Variants in GRK4 observed in about 807,000 individuals in gnomAD.
GRK4 encodes the protein G protein-coupled receptor kinase 4, also known as G protein-coupled receptor kinase 2-like.
In GRK4, 73 loss-of-function variants were observed where a neutral mutation model predicts 77.9. The observed-to-expected ratio is 0.94, with a 90% CI of 0.78 to 1.14. The LOEUF (loss-of-function observed/expected upper bound fraction) is 1.14, where lower values mean the gene tolerates loss of function less well. GRK4 is among the 50% of genes most tolerant of loss of function. The pLI, the probability that GRK4 is intolerant of heterozygous loss-of-function variation, is 0.00. For synonymous variants in GRK4, 257 were observed against 254.4 expected (o/e 1.01, Z -0.10); for missense variants, 729 against 700.2 (o/e 1.04, Z -0.46).
At chr4:3,030,467 T>A (rs1374049540) in intron 12 of GRK4, among the ~76,000 whole-genome samples, 1 of 152,124 alleles carries the variant, frequency 6.6e-6, no homozygotes, top group Non-Finnish European at 1.5e-5. Flanking sequence ...ATTGAGCATC[T>A]TGTATGTTCC....
intron 2 of GRK4, among the ~76,000 whole-genome samples, chr4:2,986,354 C>CTTTTTTTTTTTT (rs36001597): frequency 6.8e-5 from 5 of 73,282 alleles, no homozygotes; most frequent in African/African-American, 2.8e-4. Context: ...AAGGTGTTAT[C>CTTTTTTTTTTTT]TTTTTTTTTT....
chr4:2,977,817 A>T (rs1373599172), intron 1 of GRK4, among the ~76,000 whole-genome samples: 4 of 152,160 alleles, frequency 2.6e-5, no homozygotes, highest in African/African-American at 9.7e-5. Context: ...TGTTGTCCAG[A>T]TCACAGTCAG....
At chr4:3,013,876 A>G (rs1254670163) in intron 8 of GRK4, 48 bp downstream of exon 8, 6 of 1,535,986 alleles carry the variant, frequency 3.9e-6, no homozygotes, top group Non-Finnish European at 5.3e-6. Context: ...GATTCATAGC[A>G]CTTTTGTCAG....
At position 2,963,907 on chromosome 4, in the gene GRK4, G is replaced by C; in HGVS notation, c.-164G>C. ...CGGAGGCGGCGGCGGCGGCGCCCTT[G>C]GTGGCAGTGGTGGCGGCGGAGCAGC... On this transcript the variant is annotated 5_prime_UTR_variant, in exon 1 of 16. Coordinates refer to ENST00000398052, the MANE Select transcript of GRK4 (RefSeq NM_182982.3). 1 of 692,832 alleles carries C rather than the reference G, an allele frequency of 1.4e-6. No homozygotes were observed. The highest frequency in any genetic ancestry group is 2.5e-6 in the Non-Finnish European group (1 of 397,316). 42.9% of individuals were successfully genotyped at this position (692,832 alleles called of 1,614,324 possible).
intron 2 of GRK4, chr4:2,987,097 G>A (rs748929811): frequency 3.9e-6 from 2 of 516,306 alleles, no homozygotes; most frequent in East Asian, 5.5e-5. Context: ...CACACCCATT[G>A]ATAGCCACTC....
intron 9 of GRK4, among the ~76,000 whole-genome samples, chr4:3,020,190 A>G (rs1443987002): frequency 6.6e-6 from 1 of 152,072 alleles, no homozygotes; most frequent in African/African-American, 2.4e-5. Context: ...TTTTTACTAG[A>G]GATGGGGGTC....
intron 4 of GRK4, among the ~76,000 whole-genome samples, chr4:2,999,586 G>T (rs1034308454): frequency 6.6e-6 from 1 of 152,168 alleles, no homozygotes; most frequent in Non-Finnish European, 1.5e-5. Context: ...CACATGCAGA[G>T]AATCACACGG....
chr4:3,023,345 G>C, intron 10 of GRK4, among the ~76,000 whole-genome samples: 1 of 152,220 alleles, frequency 6.6e-6, no homozygotes. Context: ...GCAGTGCTGG[G>C]AGAGAGCTTC....
Position 3,004,295 on chromosome 4 carries a change from A to T in GRK4, c.404A>T (p.Glu135Val). Residue 135 changes from glutamate to valine, a missense_variant, in exon 5 of 16, where the codon GAG becomes GTG. By Grantham distance (121) the Glu-to-Val change is moderately radical. Transcript: ENST00000398052. ...ACAGAATGTAGATTGGGACTGAAGGAGGAGAACCCTTCCAAAAAAGCCTTT... is the reference window on the plus strand; with the variant it reads ...ACAGAATGTAGATTGGGACTGAAGGTGGAGAACCCTTCCAAAAAAGCCTTT... ...VVTECRLGLK[E>V]ENPSKKAFEE... 1 of 1,613,670 alleles carries T rather than the reference A, an allele frequency of 6.2e-7. No individual in the cohort carries two copies. The highest frequency in any genetic ancestry group is 8.5e-7 in the Non-Finnish European group (1 of 1,179,570).
At chr4:3,018,770 C>T (rs1028619349) in intron 8 of GRK4, among the ~76,000 whole-genome samples, 1 of 151,790 alleles carries the variant, frequency 6.6e-6, no homozygotes, top group Admixed American at 6.6e-5. Flanking sequence ...CCCAGCTACT[C>T]GGGAGGCTGA....
Position 3,035,371 on chromosome 4 carries a change from T to G in GRK4, c.1270-15T>G. On this transcript the variant is annotated splice_polypyrimidine_tract_variant and intron_variant, in intron 12 of 15. Coordinates refer to ENST00000398052, the MANE Select transcript of GRK4 (RefSeq NM_182982.3). ...ATCCAGAGGCTCAAGTGGGTTGCAT[T>G]TCTGCCTCTTGCAGTTACTCACCAA... 6.2e-7 allele frequency: 1 copy of G among 1,613,748 alleles called. No individual in the cohort carries two copies. The highest frequency in any genetic ancestry group is 8.5e-7 in the Non-Finnish European group (1 of 1,179,870).
chr4:3,030,964 G>C (rs1024468304), intron 12 of GRK4, among the ~76,000 whole-genome samples: 1 of 152,194 alleles, frequency 6.6e-6, no homozygotes, highest in Non-Finnish European at 1.5e-5. Flanking sequence ...CAGCGATTCA[G>C]GTGAGAGTAA....
At chr4:3,007,910 G>T in intron 6 of GRK4, 82 bp downstream of exon 6, 2 of 924,108 alleles carry the variant, frequency 2.2e-6, no homozygotes, top group Non-Finnish European at 3.4e-6. Flanking sequence ...GGCTGAGGCT[G>T]AAGGATTGCT....
chr4:3,031,708 G>A (rs1412813049), intron 12 of GRK4, among the ~76,000 whole-genome samples: 1 of 152,220 alleles, frequency 6.6e-6, no homozygotes, highest in East Asian at 1.9e-4. Flanking sequence ...CGCTCAGAGA[G>A]GAAGCTGCTT....
intron 4 of GRK4, among the ~76,000 whole-genome samples, chr4:2,994,928 C>T (rs1727335880): frequency 6.6e-6 from 1 of 152,122 alleles, no homozygotes; most frequent in Non-Finnish European, 1.5e-5. Flanking sequence ...TCTGCTCCTT[C>T]CCCACATCCC....
At chr4:3,002,331 C>T (rs570579778) in intron 4 of GRK4, among the ~76,000 whole-genome samples, 15 of 152,188 alleles carry the variant, frequency 9.9e-5, no homozygotes, top group Admixed American at 3.9e-4. Context: ...AGGCTGGGCA[C>T]AGTGGCACAT....
chr4:3,015,692 T>A (rs199843392), intron 8 of GRK4, among the ~76,000 whole-genome samples: 8 of 145,910 alleles, frequency 5.5e-5, no homozygotes, highest in African/African-American at 1.5e-4. Flanking sequence ...AAAAAAAAAA[T>A]AGCACAGTGT....
intron 4 of GRK4, among the ~76,000 whole-genome samples, chr4:3,003,435 C>T (rs923294268): frequency 6.6e-6 from 1 of 152,084 alleles, no homozygotes; most frequent in Non-Finnish European, 1.5e-5. Context: ...AACTGATCCA[C>T]ATAACTCTGC....
chr4:2,970,562 G>C (rs1258415651), intron 1 of GRK4, among the ~76,000 whole-genome samples: 1 of 151,782 alleles, frequency 6.6e-6, no homozygotes, highest in African/African-American at 2.4e-5. Context: ...GGAGGCTGAG[G>C]CGGGAGAATC....
Sources: gnomAD v4.1 joint callset for allele counts (sites outside exome capture counted in the v4.1 genomes callset) on GRCh38, gnomAD v4.1.1 for gene constraint, MANE v1.5 for transcripts, NCBI Gene and HGNC (gene_info 2026-07-23, HGNC 2026-07-21) for gene names.